Variants in KLF12 observed in about 807,000 individuals in gnomAD.
The protein encoded by KLF12 is Krueppel-like factor 12.
A neutral mutation model predicts 37.8 loss-of-function variants in KLF12; 9 were observed. That is an observed-to-expected ratio of 0.24 (90% confidence interval 0.14 to 0.42). The LOEUF (loss-of-function observed/expected upper bound fraction) is 0.42. KLF12 is among the 10% of genes least tolerant of loss of function. KLF12 has a pLI of 1.00. For missense variants in KLF12, 411 were observed against 516.0 expected, an observed-to-expected ratio of 0.80 and a Z score of 1.97; for synonymous variants, 208 against 202.1, an observed-to-expected ratio of 1.03 and a Z score of -0.25.
rs1244823800 is a variant in KLF12 at position 73,694,912 on chromosome 13, T to C, written c.*578A>G. 1 of 152,682 alleles carries C rather than the reference T, an allele frequency of 6.5e-6. No homozygotes were observed. Among genetic ancestry groups the C allele is most frequent in the African/African-American group, 2.4e-5 (1 of 41,448 alleles). 9.5% of individuals were successfully genotyped at this position (152,682 alleles called of 1,614,324 possible). A position where few individuals can be genotyped will look rare whatever the true frequency, so the allele number is the denominator to read the frequency against. ...ATGACAAGTTGAGAGTGATATCTAG[T>C]GGCTGCCATCGCGATTGCAAAGGGC... On this transcript the variant is annotated 3_prime_UTR_variant, in exon 8 of 8. Transcript: ENST00000377669.
At chr13:73,926,445 A>G (rs142037092) in intron 3 of KLF12, among the ~76,000 whole-genome samples, 3 of 152,348 alleles carry the variant, frequency 2.0e-5, no homozygotes, top group Admixed American at 2.0e-4. Flanking sequence ...GGTCTTGCAC[A>G]CTTAATAGAA....
the KLF12 span, among the ~76,000 whole-genome samples, chr13:74,249,999 C>G: frequency 2.0e-5 from 3 of 152,114 alleles, no homozygotes; most frequent in Non-Finnish European, 4.4e-5. Context: ...TGGAGATGCT[C>G]AATTTTAGGC....
chr13:74,154,219 G>A, the KLF12 span, among the ~76,000 whole-genome samples: 83 of 136,082 alleles, frequency 6.1e-4, 1 homozygote, highest in Middle Eastern at 0.011. Context: ...TGGCAACAGA[G>A]CAAGACTCCA....
rs1204699593 is a variant in KLF12 at position 74,103,048 on chromosome 13, GGCTAAA to G, written c.-32+30685_-32+30690del. Among the ~76,000 whole-genome samples the G allele has an allele frequency of 2.0e-5, 3 of 152,328 alleles. No homozygotes were observed. The East Asian group carries it at 5.8e-4, about 29-fold the overall frequency. On this transcript the variant is annotated intron_variant, in intron 1 of 7. Transcript: ENST00000377669. ...AGTATTTATGGATGACAGGCATCAT[GGCTAAA>G]GCCTGTTCTCAAATGTTTCATTAAA...
At chr13:73,806,305 C>T (rs1470333584) in intron 5 of KLF12, among the ~76,000 whole-genome samples, 3 of 151,738 alleles carry the variant, frequency 2.0e-5, no homozygotes, top group Admixed American at 6.6e-5. Flanking sequence ...GATTTCACCA[C>T]GTTGGCCAGG....
At chr13:73,859,953 A>T (rs1052976836) in intron 3 of KLF12, among the ~76,000 whole-genome samples, 11 of 152,218 alleles carry the variant, frequency 7.2e-5, no homozygotes, top group South Asian at 2.1e-4. Context: ...AACTTTTTTT[A>T]AAAAAAGTTT....
At chr13:74,090,560 T>G (rs1249758759) in intron 1 of KLF12, among the ~76,000 whole-genome samples, 1 of 152,114 alleles carries the variant, frequency 6.6e-6, no homozygotes, top group Non-Finnish European at 1.5e-5. Context: ...TGTATACTGG[T>G]GGGTCGCTGT....
chr13:73,946,049 T>A (rs1886512), intron 2 of KLF12, among the ~76,000 whole-genome samples: 59,717 of 151,900 alleles, frequency 0.39, 12,068 homozygotes, highest in African/African-American at 0.47. Context: ...AAAGCCTTCC[T>A]GCAGCCGGCC....
At chr13:74,054,424 T>TG (rs1873124174) in intron 1 of KLF12, among the ~76,000 whole-genome samples, 1 of 152,176 alleles carries the variant, frequency 6.6e-6, no homozygotes, top group African/African-American at 2.4e-5. Context: ...CAGCTCACCA[T>TG]GACCTGTATC....
the KLF12 span, among the ~76,000 whole-genome samples, chr13:74,252,061 A>G: frequency 6.6e-6 from 1 of 152,186 alleles, no homozygotes; most frequent in East Asian, 1.9e-4. Context: ...CTGATTCACA[A>G]GGGCAGGCAC....
intron 3 of KLF12, among the ~76,000 whole-genome samples, chr13:73,883,730 T>C (rs1230669740): frequency 6.6e-6 from 1 of 152,184 alleles, no homozygotes; most frequent in Non-Finnish European, 1.5e-5. Context: ...AGTTTAACTG[T>C]AAAGAACAAC....
chr13:74,088,749 A>G (rs1382868499), intron 1 of KLF12, among the ~76,000 whole-genome samples: 1 of 152,224 alleles, frequency 6.6e-6, no homozygotes, highest in Non-Finnish European at 1.5e-5. Context: ...GTACTTCTGA[A>G]AAGTGAGAAT....
intron 4 of KLF12, among the ~76,000 whole-genome samples, chr13:73,830,300 C>A (rs905046677): frequency 3.3e-5 from 5 of 152,136 alleles, no homozygotes; most frequent in Non-Finnish European, 7.4e-5. Context: ...GATACCAACA[C>A]ATTTTGGACA....
chr13:73,982,482 C>T (rs1891711978), intron 2 of KLF12, among the ~76,000 whole-genome samples: 1 of 151,982 alleles, frequency 6.6e-6, no homozygotes. Flanking sequence ...AGGATATCTT[C>T]CATCATTGAA....
chr13:73,751,292 T>C (rs1024851927), intron 6 of KLF12, among the ~76,000 whole-genome samples: 5 of 152,128 alleles, frequency 3.3e-5, no homozygotes, highest in Non-Finnish European at 7.4e-5. Flanking sequence ...GGTAGTTATA[T>C]TTTTAGCTCT....
intron 6 of KLF12, among the ~76,000 whole-genome samples, chr13:73,729,646 T>C (rs1389606977): frequency 1.3e-5 from 2 of 152,236 alleles, no homozygotes; most frequent in Non-Finnish European, 2.9e-5. Flanking sequence ...ACCATATTTA[T>C]TGATGATTAA....
intron 3 of KLF12, among the ~76,000 whole-genome samples, chr13:73,853,811 A>T (rs918280791): frequency 6.6e-6 from 1 of 152,156 alleles, no homozygotes; most frequent in African/African-American, 2.4e-5. Context: ...AAACGGGAAC[A>T]TAAATGTGTT....
chr13:74,009,926 T>C (rs903116855), intron 1 of KLF12, among the ~76,000 whole-genome samples: 1 of 152,184 alleles, frequency 6.6e-6, no homozygotes, highest in South Asian at 2.1e-4. Flanking sequence ...AAGATCTTGT[T>C]TGCCAGTGTA....
chr13:74,108,101 G>C lies in KLF12; in HGVS notation c.-32+25638C>G, dbSNP rs891191748. Among the ~76,000 whole-genome samples the C allele has an allele frequency of 2.0e-5, 3 of 152,214 alleles. No homozygotes were observed. The South Asian group carries it at 6.2e-4, about 32-fold the overall frequency. On this transcript the variant is annotated intron_variant, in intron 1 of 7. Transcript: ENST00000377669. ...TTATTCATCTTCCACACAAGGAAGT[G>C]AATGTATTATAACTCACAATAGAGA...
Sources: gnomAD v4.1 joint callset for allele counts (sites outside exome capture counted in the v4.1 genomes callset) on GRCh38, gnomAD v4.1.1 for gene constraint, MANE v1.5 for transcripts, NCBI Gene and HGNC (gene_info 2026-07-23, HGNC 2026-07-21) for gene names.